The following TCF4 variants were observed in gnomAD, a reference collection of about 807,000 sequenced individuals.
The protein encoded by TCF4 is SL3-3 enhancer factor 2.
Under a neutral mutation model 82.1 loss-of-function variants are expected in TCF4, and 3 were observed. The ratio of observed to expected loss-of-function variants is 0.04; its 90% confidence interval spans 0.02 to 0.09. TCF4 has a LOEUF of 0.09. Among genes scored for constraint, TCF4 ranks in the 10% least tolerant of loss-of-function variants. The pLI is 1.00. For synonymous variants in TCF4, 276 were observed against 309.6 expected, an observed-to-expected ratio of 0.89 and a Z score of 1.14; for missense variants, 518 against 852.7, an observed-to-expected ratio of 0.61 and a Z score of 4.89.
intron 3 of TCF4, among the ~76,000 whole-genome samples, chr18:55,481,780 T>G (rs1263758000): frequency 1.3e-5 from 2 of 152,210 alleles, no homozygotes; most frequent in Admixed American, 6.5e-5. Flanking sequence ...ACCTATGTCC[T>G]TCCAAGAATA....
chr18:55,466,981 C>T (rs552077627), intron 3 of TCF4, among the ~76,000 whole-genome samples: 14 of 152,302 alleles, frequency 9.2e-5, no homozygotes, highest in South Asian at 4.1e-4. Flanking sequence ...CCTGACCTCA[C>T]GCTGCTGCAC....
intron 8 of TCF4, among the ~76,000 whole-genome samples, chr18:55,347,693 C>T (rs543015247): frequency 2.0e-5 from 3 of 152,226 alleles, no homozygotes; most frequent in African/African-American, 4.8e-5. Context: ...GTACCACAGG[C>T]GTGTCACAAA....
intron 8 of TCF4, among the ~76,000 whole-genome samples, chr18:55,297,670 G>A (rs1234744166): frequency 6.6e-6 from 1 of 152,030 alleles, no homozygotes; most frequent in East Asian, 1.9e-4. Flanking sequence ...TGATTCAAGT[G>A]TGGTCTGATG....
chr18:55,476,498 G>T (rs183620790), intron 3 of TCF4, among the ~76,000 whole-genome samples: 27 of 151,488 alleles, frequency 1.8e-4, no homozygotes, highest in African/African-American at 6.3e-4. Flanking sequence ...TTTGAGATGG[G>T]GTCCTGCTCT....
intron 15 of TCF4, among the ~76,000 whole-genome samples, chr18:55,248,082 G>A (rs149330138): frequency 1.3e-5 from 2 of 152,270 alleles, no homozygotes; most frequent in Non-Finnish European, 2.9e-5. Flanking sequence ...GCTTAGAAAT[G>A]AAGTATGCAC....
chr18:55,386,297 C>T (rs1358672097), intron 6 of TCF4, among the ~76,000 whole-genome samples: 1 of 152,228 alleles, frequency 6.6e-6, no homozygotes, highest in Admixed American at 6.5e-5. Context: ...ATACCATCCA[C>T]TTAGACCCAT....
intron 3 of TCF4, among the ~76,000 whole-genome samples, chr18:55,488,683 T>G (rs1198623263): frequency 1.3e-5 from 2 of 152,316 alleles, no homozygotes; most frequent in East Asian, 3.9e-4. Flanking sequence ...AGCAAACGGC[T>G]GTTCAAACAG....
intron 11 of TCF4, among the ~76,000 whole-genome samples, chr18:55,263,093 G>A (rs182687630): frequency 2.6e-5 from 4 of 152,186 alleles, no homozygotes; most frequent in African/African-American, 9.6e-5. Flanking sequence ...ACTGAGTCAC[G>A]GTGCCCAGCC....
upstream of TCF4, chr18:55,589,805 TAA>T: frequency 9.9e-7 from 1 of 1,008,444 alleles, no homozygotes; most frequent in Non-Finnish European, 1.2e-6. Flanking sequence ...TGCGGGCTTA[TAA>T]AGAGAAGGAG....
chr18:55,530,770 T>C (rs973267282), intron 3 of TCF4, among the ~76,000 whole-genome samples: 4 of 152,176 alleles, frequency 2.6e-5, no homozygotes, highest in African/African-American at 9.7e-5. Flanking sequence ...CAAACATTTC[T>C]GACAGAAGTG....
At chr18:55,597,011 G>C (rs2097691628) in intron 2 of TCF4, among the ~76,000 whole-genome samples, 2 of 152,064 alleles carry the variant, frequency 1.3e-5, no homozygotes, top group Non-Finnish European at 2.9e-5. Flanking sequence ...GACTTCTCAT[G>C]AGATCTGGCT....
intron 3 of TCF4, among the ~76,000 whole-genome samples, chr18:55,538,025 C>CGCGT (rs957318151): frequency 1.5e-5 from 2 of 132,540 alleles, no homozygotes; most frequent in African/African-American, 5.9e-5. Context: ...TCTGCGCGCG[C>CGCGT]GCACACACAC....
intron 5 of TCF4, among the ~76,000 whole-genome samples, chr18:55,449,439 T>C (rs1031613194): frequency 2.0e-5 from 3 of 152,246 alleles, no homozygotes; most frequent in South Asian, 2.1e-4. Context: ...ACACGGATAT[T>C]AGGCTCATTT....
At chr18:55,280,532 C>T (rs1233484583) in intron 8 of TCF4, among the ~76,000 whole-genome samples, 1 of 152,024 alleles carries the variant, frequency 6.6e-6, no homozygotes, top group African/African-American at 2.4e-5. Flanking sequence ...GCCTTTTCTG[C>T]TAAATATAAT....
rs781517224 is a variant in TCF4 at position 55,403,474 on chromosome 18, T to C, written c.349A>G (p.Asn117Asp). 6.2e-7 allele frequency: 1 copy of C among 1,613,892 alleles called. No individual in the cohort carries two copies. The highest frequency in any genetic ancestry group is 1.1e-5 in the South Asian group (1 of 91,082). Reference protein sequence around the residue: ...GSYSSYGRESNLQGCHQQSLL... With the variant: ...GSYSSYGRESDLQGCHQQSLL... Reference sequence around the variant, plus strand: ...CTTACCTGGTGGCAACCCTGTAAGTTTGATTCTCTCCCATAAGATGAGTAT... The same window carrying C: ...CTTACCTGGTGGCAACCCTGTAAGTCTGATTCTCTCCCATAAGATGAGTAT... The change falls in exon 6 of 20, where the codon AAC (asparagine) becomes GAC (aspartate). Residue 117 changes from asparagine to aspartate, a missense_variant. Physicochemically the swap from Asn to Asp is conservative, Grantham distance 23 (BLOSUM62 1). This residue lies in a region of TCF4 where 80 missense variants were observed against 93.8 expected (regional missense o/e 0.85). Coordinates refer to ENST00000354452, the MANE Select transcript of TCF4 (RefSeq NM_001083962.2).
chr18:55,586,782 G>A, intron 2 of TCF4: 1 of 454,212 alleles, frequency 2.2e-6, no homozygotes, highest in Admixed American at 3.5e-5. Flanking sequence ...CCACTGGGGT[G>A]AGATTCCATT....
chr18:55,359,317 CTTCT>C (rs2084454379), intron 6 of TCF4, among the ~76,000 whole-genome samples: 1 of 152,280 alleles, frequency 6.6e-6, no homozygotes, highest in East Asian at 1.9e-4. Flanking sequence ...TTCCCCCAGT[CTTCT>C]TTCATTTCAG....
At chr18:55,308,295 T>C (rs2147138894) in intron 8 of TCF4, among the ~76,000 whole-genome samples, 1 of 152,344 alleles carries the variant, frequency 6.6e-6, no homozygotes, top group South Asian at 2.1e-4. Context: ...CCAAGGGGTA[T>C]ACGTGCTTGT....
chr18:55,246,936 T>C (rs1299995049), intron 15 of TCF4, among the ~76,000 whole-genome samples: 1 of 152,162 alleles, frequency 6.6e-6, no homozygotes, highest in Non-Finnish European at 1.5e-5. Flanking sequence ...TGTAACAGGG[T>C]ATTTAGAAAA....
Sources: allele counts gnomAD v4.1 joint callset (sites outside exome capture counted in the v4.1 genomes callset), GRCh38; gene constraint gnomAD v4.1.1; regional missense constraint gnomAD v4.1.1; transcripts MANE v1.5; gene names NCBI Gene and HGNC (gene_info 2026-07-23, HGNC 2026-07-21).